The following NPR1 variants were observed in gnomAD, a reference collection of about 807,000 sequenced individuals.
NPR1 encodes the protein natriuretic peptide receptor 1.
Under a neutral mutation model 116.9 loss-of-function variants are expected in NPR1, and 57 were observed. That is an observed-to-expected ratio of 0.49 (90% confidence interval 0.39 to 0.61). The LOEUF is 0.61. Ranked by LOEUF, NPR1 falls within the 20% of genes least tolerant of loss-of-function variation. NPR1 has a pLI of 0.00. For missense variants in NPR1, 1,096 were observed against 1,409.8 expected (o/e 0.78, Z 3.56); for synonymous variants, 555 against 601.6 (o/e 0.92, Z 1.13).
chr1:153,681,860 G>A, intron 4 of NPR1, 21 bp downstream of exon 4: 2 of 1,612,086 alleles, frequency 1.2e-6, no homozygotes, highest in Non-Finnish European at 1.7e-6. Context: ...GGAGGTGGCT[G>A]GAATGGGCTG....
In NPR1 at chr1:153,681,193, T is replaced by C; in HGVS notation, c.935T>C (p.Ile312Thr). The C allele has an allele frequency of 6.2e-7, 1 of 1,608,788 alleles. No homozygotes were observed. The highest frequency in any genetic ancestry group is 1.7e-4 in the Middle Eastern group (1 of 6,054). Reference protein sequence around the residue: ...ARQAFQAAKIITYKDPDNPEY... With the variant: ...ARQAFQAAKITTYKDPDNPEY... ...CCCCTTTCTCAGGCTGCCAAAATCATTACATATAAAGACCCAGATAATCCC... is the reference window on the plus strand; with the variant it reads ...CCCCTTTCTCAGGCTGCCAAAATCACTACATATAAAGACCCAGATAATCCC... Residue 312 changes from isoleucine (I) to threonine (T), a missense_variant, in exon 3 of 22, where the codon ATT (isoleucine) becomes ACT (threonine). Transcript: ENST00000368680.
chr1:153,693,266 C>T (rs1225140888), intron 21 of NPR1, 69 bp downstream of exon 21: 1 of 1,595,984 alleles, frequency 6.3e-7, no homozygotes, highest in Admixed American at 1.7e-5. Flanking sequence ...CTCAAGCAGC[C>T]AATGCCACTC....
At position 153,682,537 on chromosome 1, in the gene NPR1, G is replaced by T; in HGVS notation, c.1211G>T (p.Arg404Leu). The change falls in exon 5 of 22, where the codon CGG (arginine) becomes CTG (leucine). Residue 404 changes from arginine to leucine, a missense_variant. Arg to Leu is a moderately radical substitution (Grantham distance 102). Coordinates refer to ENST00000368680, the MANE Select transcript of NPR1 (RefSeq NM_000906.4). ...CTGAAAATTGATAGCAGTGGCGATCGGGAAACAGACTTCTCCCTCTGGGAT... is the reference window on the plus strand; with the variant it reads ...CTGAAAATTGATAGCAGTGGCGATCTGGAAACAGACTTCTCCCTCTGGGAT... ...GYLKIDSSGDRETDFSLWDMD... is the reference protein window; with the variant it reads ...GYLKIDSSGDLETDFSLWDMD... 1.2e-6 allele frequency: 2 copies of T among 1,614,014 alleles called. No individual in the cohort carries two copies.
rs1434161100 is a variant in NPR1, at chr1:153,685,005, G to T, written c.1526G>T (p.Arg509Leu). Residue 509 changes from arginine (R) to leucine (L), a missense_variant, in exon 8 of 22, where the codon CGG becomes CTG. Transcript: ENST00000368680. ...AAGGAACTGGCCTCGGAGCTGTGGC[G>T]GGTGCGCTGGGAGGACGTTGAGCCC... The part of the protein sequence containing the change: ...LEKELASELW[R>L]VRWEDVEPSS... The T allele has an allele frequency of 1.9e-6, 3 of 1,614,102 alleles. No homozygotes were observed. Among genetic ancestry groups the T allele is most frequent in the Non-Finnish European group, 2.5e-6 (3 of 1,179,976 alleles).
chr1:153,690,241 C>G (rs1670067370), intron 19 of NPR1, 43 bp from the exon 20 acceptor site: 3 of 1,485,418 alleles, frequency 2.0e-6, no homozygotes, highest in Non-Finnish European at 2.8e-6. Flanking sequence ...CCCTCCCTCC[C>G]TCACTCGCTG....
At chr1:153,687,992 C>T (rs935959783) in intron 14 of NPR1, 61 bp from the exon 15 acceptor site, 2 of 1,265,742 alleles carry the variant, frequency 1.6e-6, no homozygotes, top group African/African-American at 3.0e-5. Flanking sequence ...CTGGTTGCCC[C>T]AGTCTCTCAC....
rs1195687108 is a variant in NPR1 at position 153,689,830 on chromosome 1, A to C, written c.2782A>C (p.Met928Leu). 5.7e-6 allele frequency: 9 copies of C among 1,582,834 alleles called. No homozygotes were observed. The highest frequency in any genetic ancestry group is 6.9e-6 in the Non-Finnish European group (8 of 1,160,370). Residue 928 changes from methionine (M) to leucine (L), a missense_variant, in exon 19 of 22, where the codon ATG becomes CTG. Met to Leu is a conservative substitution (Grantham distance 15). Coordinates refer to ENST00000368680, the MANE Select transcript of NPR1 (RefSeq NM_000906.4). This position sits in a 1 kb window ranked among gnomAD's most constrained non-coding sequence, Gnocchi z 5.1. ...YKVETIGDAY[M>L]VVSGLPVRNG... ...GGTGGAGACAATTGGCGATGCCTACATGGTGGTGTCAGGGCTCCCTGTGCG... is the reference window on the plus strand; with the variant it reads ...GGTGGAGACAATTGGCGATGCCTACCTGGTGGTGTCAGGGCTCCCTGTGCG...
rs1482504303 is a variant in NPR1, at chr1:153,682,577, T to C, written c.1251T>C (p.Asn417=). Residue 417 remains asparagine, a synonymous_variant, in exon 5 of 22, where the codon AAT becomes AAC. Coordinates refer to ENST00000368680, the MANE Select transcript of NPR1 (RefSeq NM_000906.4). ...CCCTCTGGGATATGGATCCCGAGAA[T>C]GGTGCCTTCAGGGTAAGTTTGTGCA... is the stretch of plus-strand genomic sequence containing the variant. ...DFSLWDMDPE[N]GAFRVVLNYN... 6.2e-7 allele frequency: 1 copy of C among 1,613,724 alleles called. No individual in the cohort carries two copies. Among genetic ancestry groups the C allele is most frequent in the Non-Finnish European group, 8.5e-7 (1 of 1,179,680 alleles).
chr1:153,685,097 G>C lies in NPR1; in HGVS notation c.1605+13G>C. On this transcript the variant is annotated intron_variant, in intron 8 of 21. Coordinates refer to ENST00000368680, the MANE Select transcript of NPR1 (RefSeq NM_000906.4). ...GACCCTGAGCGGGGTAAGAACGCTG[G>C]TGTTTGTGTTGGGGGGCAATAAAGG... 3 of 1,613,338 alleles carry C rather than the reference G, an allele frequency of 1.9e-6. No homozygotes were observed. The highest frequency in any genetic ancestry group is 2.5e-6 in the Non-Finnish European group (3 of 1,179,618).
At chr1:153,688,887 G>A (rs1670007471) in intron 15 of NPR1, 66 bp from the exon 16 acceptor site, 1 of 1,571,864 alleles carries the variant, frequency 6.4e-7, no homozygotes, top group African/African-American at 1.4e-5. Flanking sequence ...GTGCCTAGGG[G>A]CGGGCGCTCA....
Position 153,689,980 on chromosome 1 carries a change from G to A in NPR1, c.2932G>A (p.Gly978Arg), listed in dbSNP as rs1670051237. 1 of 1,513,810 alleles carries A rather than the reference G, an allele frequency of 6.6e-7. No homozygotes were observed. Among genetic ancestry groups the A allele is most frequent in the African/African-American group, 1.4e-5 (1 of 72,304 alleles). 93.8% of individuals were successfully genotyped at this position (1,513,810 alleles called of 1,614,324 possible). A position where few individuals can be genotyped will look rare whatever the true frequency, so the allele number is the denominator to read the frequency against. The change falls in exon 19 of 22, where the codon GGA (glycine) becomes AGA (arginine). Residue 978 changes from glycine to arginine, a missense_variant and splice_region_variant. Transcript: ENST00000368680. The surrounding 1 kb of genome is among the most constrained non-coding windows in gnomAD (Gnocchi z 5.1). ...GCGCTTGCGCATTGGCATCCACACA[G>A]GTAAGGCCACTGAAGGTGCAGGCGG... Reference protein sequence around the residue: ...QLRLRIGIHTGPVCAGVVGLK... With the variant: ...QLRLRIGIHTRPVCAGVVGLK...
In NPR1 at chr1:153,693,657, G is replaced by GCA. The variant is rs1301371184; in HGVS notation, c.*247_*248dup. On this transcript the variant is annotated 3_prime_UTR_variant, in exon 22 of 22. Coordinates refer to ENST00000368680, the MANE Select transcript of NPR1 (RefSeq NM_000906.4). ...GCCATGCACAGGGACACTCACACAG[G>GCA]CACACGCACCTGCTCTCCACCTGGA... is the stretch of plus-strand genomic sequence containing the variant. 3.1e-5 allele frequency: 14 copies of GCA among 447,322 alleles called. No individual in the cohort carries two copies. The highest frequency in any genetic ancestry group is 3.9e-6 in the Non-Finnish European group (1 of 256,020). The allele number at this position is 447,322 out of a possible 1,614,324, so 27.7% of individuals were successfully genotyped here. A position where few individuals can be genotyped will look rare whatever the true frequency, so the allele number is the denominator to read the frequency against.
rs199541747 is a variant in NPR1, at chr1:153,689,074, G to A, written c.2539G>A (p.Ala847Thr). Reference sequence around the variant, plus strand: ...CCTGGAGGAGAAGCGCAAGGCTGAGGCCCTGCTCTACCAGATCCTGCCTCA... The same window carrying A: ...CCTGGAGGAGAAGCGCAAGGCTGAGACCCTGCTCTACCAGATCCTGCCTCA... ...AYLEEKRKAE[A>T]LLYQILPHSV... The change falls in exon 16 of 22, where the codon GCC (alanine) becomes ACC (threonine). Residue 847 changes from alanine to threonine, a missense_variant. Coordinates refer to ENST00000368680, the MANE Select transcript of NPR1 (RefSeq NM_000906.4). This position sits in a 1 kb window ranked among gnomAD's most constrained non-coding sequence, Gnocchi z 5.1. 6.2e-7 allele frequency: 1 copy of A among 1,614,192 alleles called. No homozygotes were observed. The highest frequency in any genetic ancestry group is 1.3e-5 in the African/African-American group (1 of 75,046).
chr1:153,693,868 C>T lies in NPR1; in HGVS notation c.*454C>T, dbSNP rs541167677. 3.5e-5 allele frequency: 14 copies of T among 400,038 alleles called. No homozygotes were observed. In the Admixed American group the frequency reaches 3.5e-4, roughly 10 times the overall value. 24.8% of individuals were successfully genotyped at this position (400,038 alleles called of 1,614,324 possible). On this transcript the variant is annotated 3_prime_UTR_variant, in exon 22 of 22. Coordinates refer to ENST00000368680, the MANE Select transcript of NPR1 (RefSeq NM_000906.4). ...GGCTGGCCCACAATACCTGCTCCCC[C>T]GACCCCCTCCACCCAGCAGTAGACA...
rs1474879464 is a variant in NPR1, at chr1:153,690,037, C to T, written c.2932+57C>T. On this transcript the variant is annotated intron_variant, in intron 19 of 21. Transcript: ENST00000368680. ...AGAGGCCAAGGCTTCGCAAGGGAAA[C>T]TTGTCCCCTGGCCCAGCCCCTCGCC... 3.5e-6 allele frequency: 5 copies of T among 1,415,962 alleles called. No homozygotes were observed. In the South Asian group the frequency reaches 4.2e-5, roughly 12 times the overall value. The allele number at this position is 1,415,962 out of a possible 1,614,324, so 87.7% of individuals were successfully genotyped here.
In NPR1 at chr1:153,679,662, T is replaced by C. The variant is rs752458585; in HGVS notation, c.554T>C (p.Leu185Pro). Residue 185 changes from leucine (L) to proline (P), a missense_variant, in exon 1 of 22, where the codon CTC becomes CCC. Physicochemically the swap from Leu to Pro is moderately conservative, Grantham distance 98. Coordinates refer to ENST00000368680, the MANE Select transcript of NPR1 (RefSeq NM_000906.4). The surrounding 1 kb of genome is among the most constrained non-coding windows in gnomAD (Gnocchi z 4.2). ...RLGWERQALM[L>P]YAYRPGDEEH... ...GGCTGGGAGCGCCAAGCGCTCATGC[T>C]CTACGCCTACCGGCCGGGTGACGAA... 1 of 1,607,472 alleles carries C rather than the reference T, an allele frequency of 6.2e-7. No homozygotes were observed. Among genetic ancestry groups the C allele is most frequent in the Non-Finnish European group, 8.5e-7 (1 of 1,178,496 alleles).
At chr1:153,686,923 G>C in intron 11 of NPR1, 93 bp from the exon 12 acceptor site, 1 of 1,411,666 alleles carries the variant, frequency 7.1e-7, no homozygotes, top group Non-Finnish European at 1.0e-6. Context: ...GTTTTGTCCT[G>C]TTCTACCAGT....
At chr1:153,685,929 A>G (rs367640139) in intron 9 of NPR1, 49 bp downstream of exon 9, 1 of 1,548,500 alleles carries the variant, frequency 6.5e-7, no homozygotes, top group African/African-American at 1.4e-5. Flanking sequence ...GCAGGAGTGT[A>G]CTCTGATGGA....
rs142427546 is a variant in NPR1, at chr1:153,691,030, G to A, written c.3031+648G>A. 4.8e-4 allele frequency among the ~76,000 whole-genome samples: 72 copies of A among 150,248 alleles called. 1 individual carries two copies. The highest frequency in any genetic ancestry group is 1.6e-3 in the African/African-American group (67 of 40,916). ...CTTCAGAGCCAGCATAAGTGAGGCT[G>A]TGAATCTCAGCTCCACAGCTGGCTG... On this transcript the variant is annotated intron_variant, in intron 20 of 21. Transcript: ENST00000368680.
Sources: allele counts gnomAD v4.1 joint callset (sites outside exome capture counted in the v4.1 genomes callset), GRCh38; gene constraint gnomAD v4.1.1; non-coding constraint Gnocchi (gnomAD v3.1); transcripts MANE v1.5; gene names NCBI Gene and HGNC (gene_info 2026-07-23, HGNC 2026-07-21).